The following CDC14B variants were observed in gnomAD, a reference collection of about 807,000 sequenced individuals.
The protein encoded by CDC14B is dual specificity protein phosphatase CDC14B.
In CDC14B, 22 loss-of-function variants were observed where a neutral mutation model predicts 64.2. The observed-to-expected ratio is 0.34, with a 90% CI of 0.24 to 0.49. The LOEUF (loss-of-function observed/expected upper bound fraction) is 0.49. Among genes scored for constraint, CDC14B ranks in the 20% least tolerant of loss-of-function variants. CDC14B has a pLI of 0.99. For synonymous variants in CDC14B, 191 were observed against 215.8 expected (o/e 0.89, Z 1.01); for missense variants, 498 against 629.9 (o/e 0.79, Z 2.24).
At chr9:96,614,988 G>T (rs1847533242) in intron 1 of CDC14B, among the ~76,000 whole-genome samples, 1 of 152,060 alleles carries the variant, frequency 6.6e-6, no homozygotes, top group South Asian at 2.1e-4. Flanking sequence ...CTATAGGCAC[G>T]TGCCACCATG....
chr9:96,619,174 G>T (rs752288700), intron 1 of CDC14B, 45 bp downstream of exon 1: 13 of 1,220,148 alleles, frequency 1.1e-5, no homozygotes, highest in Non-Finnish European at 1.3e-5. Context: ...CCCCGCGCCG[G>T]GTGCGGCCGT....
intron 5 of CDC14B, among the ~76,000 whole-genome samples, chr9:96,548,501 T>C (rs567197770): frequency 1.1e-3 from 174 of 151,906 alleles, no homozygotes; most frequent in African/African-American, 3.9e-3. Context: ...CACACATACA[T>C]ACACACACAC....
chr9:96,594,001 A>G (rs10123641), intron 1 of CDC14B, among the ~76,000 whole-genome samples: 6,953 of 152,330 alleles, frequency 0.046, 493 homozygotes, highest in African/African-American at 0.16. Flanking sequence ...GTAACAAAAC[A>G]TAAGATTTCC....
intron 12 of CDC14B, among the ~76,000 whole-genome samples, chr9:96,520,018 C>A (rs1479395788): frequency 9.9e-5 from 15 of 152,050 alleles, no homozygotes; most frequent in Non-Finnish European, 1.5e-5. Flanking sequence ...AACATAGACA[C>A]AAGAGGGAAA....
chr9:96,584,021 G>A (rs931351762), intron 1 of CDC14B, among the ~76,000 whole-genome samples: 1 of 152,048 alleles, frequency 6.6e-6, no homozygotes, highest in Non-Finnish European at 1.5e-5. Context: ...CCTGGCGGTT[G>A]TGAGGATTTC....
rs1450814950 is a variant in CDC14B at position 96,550,705 on chromosome 9, GTACCA to G, written c.497+1086_497+1090del. 5.3e-5 allele frequency among the ~76,000 whole-genome samples: 8 copies of G among 152,294 alleles called. 1 individual carries two copies. The East Asian group carries it at 9.6e-4, about 18-fold the overall frequency. On this transcript the variant is annotated intron_variant, in intron 5 of 13. Transcript: ENST00000375241. ...ATTTCATACATTTATTACCCATTAAGTACCATACAAGTATTTAAACTATAGAGCTA... is the reference window on the plus strand; with the variant it reads ...ATTTCATACATTTATTACCCATTAAGTACAAGTATTTAAACTATAGAGCTA...
chr9:96,562,395 G>C (rs1349648031), intron 4 of CDC14B, among the ~76,000 whole-genome samples: 1 of 152,172 alleles, frequency 6.6e-6, no homozygotes, highest in Admixed American at 6.5e-5. Flanking sequence ...AACCTTTAGT[G>C]CCATAAAACA....
chr9:96,548,401 A>C (rs1486016167), intron 5 of CDC14B, among the ~76,000 whole-genome samples: 3 of 152,198 alleles, frequency 2.0e-5, no homozygotes, highest in African/African-American at 7.2e-5. Flanking sequence ...AAAAAAAATT[A>C]AACTATATTT....
intron 1 of CDC14B, among the ~76,000 whole-genome samples, chr9:96,578,603 C>T (rs1179605707): frequency 6.6e-6 from 1 of 152,124 alleles, no homozygotes; most frequent in African/African-American, 2.4e-5. Context: ...CAATTTGAGG[C>T]ACATTCTACA....
rs569823128 is a variant in CDC14B, at chr9:96,575,124, A to G, written c.161-9641T>C. On this transcript the variant is annotated intron_variant, in intron 1 of 13. Coordinates refer to ENST00000375241, the MANE Select transcript of CDC14B (RefSeq NM_033331.4). Reference sequence around the variant, plus strand: ...CCGGTGCTACATGTCCTCCGGAGATAAGAGGGTGGAGGAGGCACTATTCTA... The same window carrying G: ...CCGGTGCTACATGTCCTCCGGAGATGAGAGGGTGGAGGAGGCACTATTCTA... 3.3e-5 allele frequency among the ~76,000 whole-genome samples: 5 copies of G among 152,328 alleles called. No homozygotes were observed. The South Asian group carries it at 1.0e-3, about 32-fold the overall frequency.
intron 1 of CDC14B, 141 bp downstream of exon 1, chr9:96,619,078 G>A (rs1321840644): frequency 7.2e-6 from 4 of 552,528 alleles, no homozygotes; most frequent in South Asian, 9.2e-5. Context: ...GGGGTGTGGC[G>A]GCCGGGGCGT....
chr9:96,541,885 C>T lies in CDC14B; in HGVS notation c.505G>A (p.Ala169Thr). The change falls in exon 6 of 14, where the codon GCC (alanine) becomes ACC (threonine). Residue 169 changes from alanine to threonine, a missense_variant. Physicochemically the swap from Ala to Thr is moderately conservative, Grantham distance 58 (BLOSUM62 0). Coordinates refer to ENST00000375241, the MANE Select transcript of CDC14B (RefSeq NM_033331.4). ...ATGTAGAAATTGCAACTTCCATAGG[C>T]AGCATCTCTGAAACCCAAGAGTAAT... Reference protein sequence around the residue: ...ETSYIPFRDAAYGSCNFYITL... With the variant: ...ETSYIPFRDATYGSCNFYITL... The T allele has an allele frequency of 6.2e-7, 1 of 1,607,042 alleles. No homozygotes were observed. Among genetic ancestry groups the T allele is most frequent in the South Asian group, 1.1e-5 (1 of 89,940 alleles).
At chr9:96,593,034 A>G (rs1201892916) in intron 1 of CDC14B, among the ~76,000 whole-genome samples, 6 of 152,214 alleles carry the variant, frequency 3.9e-5, no homozygotes, top group Non-Finnish European at 8.8e-5. Flanking sequence ...AAGAGTTGTT[A>G]ACTGCTCAGA....
At chr9:96,617,247 T>C (rs1847688980) in intron 1 of CDC14B, among the ~76,000 whole-genome samples, 1 of 151,824 alleles carries the variant, frequency 6.6e-6, no homozygotes, top group South Asian at 2.1e-4. Context: ...CTCAGTATTC[T>C]GCTTGGTTCT....
intron 7 of CDC14B, among the ~76,000 whole-genome samples, chr9:96,535,298 ACTCTGT>A (rs1313815509): frequency 6.6e-6 from 1 of 152,110 alleles, no homozygotes; most frequent in African/African-American, 2.4e-5. Flanking sequence ...CAAGAGCGAA[ACTCTGT>A]CTCAAAAAAC....
chr9:96,577,145 G>A (rs1844862994), intron 1 of CDC14B, among the ~76,000 whole-genome samples: 1 of 151,956 alleles, frequency 6.6e-6, no homozygotes, highest in East Asian at 1.9e-4. Flanking sequence ...CGGTTTCTCG[G>A]GAGTCTGAGG....
chr9:96,617,104 T>C (rs1407377920), intron 1 of CDC14B, among the ~76,000 whole-genome samples: 1 of 93,050 alleles, frequency 1.1e-5, no homozygotes, highest in Non-Finnish European at 1.8e-5. Flanking sequence ...TGCAATCTGA[T>C]AGGATTTTTT....
Position 96,580,768 on chromosome 9 carries a change from C to T in CDC14B, c.161-15285G>A, listed in dbSNP as rs553627107. 9.9e-5 allele frequency among the ~76,000 whole-genome samples: 15 copies of T among 152,208 alleles called. No individual in the cohort carries two copies. In the South Asian group the frequency reaches 3.1e-3, roughly 32 times the overall value. ...TGTCATTAATATGGGAATAATTAAA[C>T]CATGGCAATCATACTATCACTTAAA... On this transcript the variant is annotated intron_variant, in intron 1 of 13. Transcript: ENST00000375241.
At chr9:96,513,354 C>T (rs1388664953) in intron 12 of CDC14B, among the ~76,000 whole-genome samples, 1 of 152,218 alleles carries the variant, frequency 6.6e-6, no homozygotes, top group African/African-American at 2.4e-5. Flanking sequence ...CACACACCAC[C>T]TGACAGGCAC....
Sources: allele counts gnomAD v4.1 joint callset (sites outside exome capture counted in the v4.1 genomes callset), GRCh38; gene constraint gnomAD v4.1.1; transcripts MANE v1.5; gene names NCBI Gene and HGNC (gene_info 2026-07-23, HGNC 2026-07-21).